Variants in DNAH3 observed in about 807,000 individuals in gnomAD.
DNAH3 encodes dynein axonemal heavy chain 3, also known as axonemal beta dynein heavy chain 3.
DNAH3 carries 332 observed loss-of-function variants against 432.5 expected under a neutral mutation model. The observed-to-expected ratio is 0.77, with a 90% CI of 0.70 to 0.84. DNAH3 has a LOEUF of 0.84. DNAH3 is among the 40% of genes least tolerant of loss of function. The pLI, the probability that DNAH3 is intolerant of heterozygous loss-of-function variation, is 0.00. For synonymous variants in DNAH3, 1,956 were observed against 1,900.2 expected (o/e 1.03, Z -0.76); for missense variants, 4,861 against 5,114.0 (o/e 0.95, Z 1.51).
chr16:21,000,418 G>T, exon 43 of DNAH3: 1 of 1,614,174 alleles, frequency 6.2e-7, no homozygotes, highest in East Asian at 2.2e-5. Flanking sequence ...GCCAGTGCCT[G>T]TGGGACCCAC....
exon 23 of DNAH3, chr16:21,069,468 C>T: frequency 1.2e-6 from 2 of 1,614,126 alleles, no homozygotes; most frequent in East Asian, 2.2e-5. Context: ...AATTTCCTCC[C>T]CTCTTCTGGC....
intron 40 of DNAH3, among the ~76,000 whole-genome samples, chr16:21,021,673 G>T (rs1051153257): frequency 5.3e-5 from 8 of 152,130 alleles, no homozygotes; most frequent in African/African-American, 1.7e-4. Flanking sequence ...ACTTTGGGAG[G>T]CAGAGGCAGG....
chr16:21,039,435 G>T (rs1032583949), intron 33 of DNAH3, among the ~76,000 whole-genome samples: 4 of 151,978 alleles, frequency 2.6e-5, no homozygotes, highest in African/African-American at 9.7e-5. Flanking sequence ...GGCCAGGCTG[G>T]TCTCAAACTC....
At position 20,955,350 on chromosome 16, in the gene DNAH3, C is replaced by G. The variant is rs532440259; in HGVS notation, c.10827-293G>C. 3.9e-5 allele frequency among the ~76,000 whole-genome samples: 6 copies of G among 152,162 alleles called. No individual in the cohort carries two copies. In the South Asian group the frequency reaches 1.2e-3, roughly 32 times the overall value. ...GAGGAGGGACTTACTACCTCTTTTA[C>G]CAGTGAGGAAGCGGAGGCATGGCAA... On this transcript the variant is annotated intron_variant, in intron 54 of 61. Transcript: ENST00000261383.
At chr16:20,948,519 T>C in exon 57 of DNAH3, 1 of 1,613,930 alleles carries the variant, frequency 6.2e-7, no homozygotes, top group Non-Finnish European at 8.5e-7. Context: ...AGTAAGTGTC[T>C]CCAGGAGCGA....
chr16:21,026,460 T>C (rs2088561246), intron 38 of DNAH3, among the ~76,000 whole-genome samples: 2 of 151,916 alleles, frequency 1.3e-5, no homozygotes, highest in African/African-American at 4.8e-5. Flanking sequence ...TTCCACACTT[T>C]GGGAGGCTGA....
intron 19 of DNAH3, among the ~76,000 whole-genome samples, chr16:21,085,553 AAC>A (rs2091339527): frequency 6.6e-6 from 1 of 151,502 alleles, no homozygotes; most frequent in Non-Finnish European, 1.5e-5. Flanking sequence ...AAAAAAGAAA[AAC>A]AGAGGTCTAC....
At chr16:21,128,688 G>A (rs1018049445) in intron 7 of DNAH3, among the ~76,000 whole-genome samples, 12 of 71,136 alleles carry the variant, frequency 1.7e-4, no homozygotes, top group East Asian at 1.9e-3. Flanking sequence ...AGCGAGACTC[G>A]TCTAAAAAAA....
At chr16:21,067,071 T>C (rs1321047624) in intron 24 of DNAH3, among the ~76,000 whole-genome samples, 1 of 152,202 alleles carries the variant, frequency 6.6e-6, no homozygotes, top group Non-Finnish European at 1.5e-5. Context: ...TTGGACAACG[T>C]GTGCATTTGA....
chr16:21,131,706 T>C (rs972833026), intron 7 of DNAH3, among the ~76,000 whole-genome samples: 3 of 151,232 alleles, frequency 2.0e-5, no homozygotes, highest in South Asian at 2.1e-4. Context: ...AAAAAAAAAT[T>C]AGCCAGGCAT....
intron 10 of DNAH3, among the ~76,000 whole-genome samples, chr16:21,121,656 C>T (rs565468260): frequency 2.1e-5 from 3 of 145,510 alleles, no homozygotes; most frequent in South Asian, 2.2e-4. Flanking sequence ...GGCAGGAGTG[C>T]GGTGACGCCA....
At position 21,040,871 on chromosome 16, in the gene DNAH3, C is replaced by G. The variant is rs923802577; in HGVS notation, c.4639-928G>C. Among the ~76,000 whole-genome samples, 3 of 152,150 alleles carry G rather than the reference C, an allele frequency of 2.0e-5. No homozygotes were observed. In the South Asian group the frequency reaches 6.2e-4, roughly 32 times the overall value. On this transcript the variant is annotated intron_variant, in intron 32 of 61. Transcript: ENST00000261383. ...AGTGTTCAGTATGCACCAGCTATTGCATTATTATCTTAGATCTTAGAGGAG... is the reference window on the plus strand; with the variant it reads ...AGTGTTCAGTATGCACCAGCTATTGGATTATTATCTTAGATCTTAGAGGAG...
chr16:21,144,402 C>T (rs1247998477), intron 3 of DNAH3, among the ~76,000 whole-genome samples: 2 of 152,288 alleles, frequency 1.3e-5, no homozygotes, highest in African/African-American at 2.4e-5. Flanking sequence ...GGGAGAGACC[C>T]GTGTGGCAAG....
At chr16:20,989,590 C>G (rs1192594120) in intron 44 of DNAH3, among the ~76,000 whole-genome samples, 7 of 152,274 alleles carry the variant, frequency 4.6e-5, no homozygotes, top group Non-Finnish European at 8.8e-5. Flanking sequence ...CCTAGTGGAT[C>G]CCGCACCGGG....
At chr16:21,088,800 G>A (rs980316072) in intron 18 of DNAH3, among the ~76,000 whole-genome samples, 9 of 152,174 alleles carry the variant, frequency 5.9e-5, no homozygotes, top group Admixed American at 5.9e-4. Flanking sequence ...GTCCAGTCCA[G>A]AAATTCCAGA....
At chr16:21,024,476 G>A in intron 39 of DNAH3, 120 bp downstream of exon 39, 1 of 668,590 alleles carries the variant, frequency 1.5e-6, no homozygotes, top group South Asian at 2.2e-5. Context: ...GGGACAACAA[G>A]GGAATTCCCT....
intron 53 of DNAH3, among the ~76,000 whole-genome samples, chr16:20,962,241 T>TGTAGTGGTGAAATAGTG (rs2152618267): frequency 1.3e-5 from 2 of 152,256 alleles, no homozygotes; most frequent in South Asian, 4.1e-4. Flanking sequence ...ATCTTGGTGA[T>TGTAGTGGTGAAATAGTG]GATTTTCAAA....
intron 41 of DNAH3, among the ~76,000 whole-genome samples, chr16:21,017,759 G>T (rs2087933143): frequency 6.6e-6 from 1 of 152,178 alleles, no homozygotes; most frequent in Non-Finnish European, 1.5e-5. Context: ...TGTATCAAAT[G>T]AAGTGTGCAA....
At chr16:21,125,913 G>A (rs1335773306) in intron 8 of DNAH3, among the ~76,000 whole-genome samples, 1 of 152,134 alleles carries the variant, frequency 6.6e-6, no homozygotes, top group East Asian at 1.9e-4. Flanking sequence ...TTGGGAGGCC[G>A]AAGCGGGCAG....
Sources: allele counts gnomAD v4.1 joint callset (sites outside exome capture counted in the v4.1 genomes callset), GRCh38; gene constraint gnomAD v4.1.1; transcripts MANE v1.5; gene names NCBI Gene and HGNC (gene_info 2026-07-23, HGNC 2026-07-21).